The following ADGRV1 variants were observed in gnomAD, a reference collection of about 807,000 sequenced individuals.
ADGRV1 encodes adhesion G protein-coupled receptor V1.
In ADGRV1, 359 loss-of-function variants were observed where a neutral mutation model predicts 596.2. The ratio of observed to expected loss-of-function variants is 0.60; its 90% CI spans 0.55 to 0.66. ADGRV1 has a LOEUF of 0.66. Among genes scored for constraint, ADGRV1 ranks in the 30% least tolerant of loss-of-function variants. The pLI is 0.00. For synonymous variants in ADGRV1, 2,681 were observed against 2,679.2 expected (o/e 1.00, Z -0.02); for missense variants, 7,274 against 7,575.6 (o/e 0.96, Z 1.48).
At chr5:91,075,079 A>T (rs1788730850) in intron 86 of ADGRV1, among the ~76,000 whole-genome samples, 1 of 151,944 alleles carries the variant, frequency 6.6e-6, no homozygotes, top group South Asian at 2.1e-4. Flanking sequence ...TAGGTTCTGG[A>T]TATTAGACCA....
chr5:91,150,135 G>T lies in ADGRV1; in HGVS notation c.18538G>T (p.Ala6180Ser). The T allele has an allele frequency of 6.3e-7, 1 of 1,593,826 alleles. No individual in the cohort carries two copies. Among genetic ancestry groups the T allele is most frequent in the Non-Finnish European group, 8.5e-7 (1 of 1,170,844 alleles). The stretch of plus-strand genomic sequence containing the variant: ...GAATGGGCATCCTGGACCCAGCACA[G>T]CCTTTTTCACGCCCGGGAGTGGAAT... ...EMNGHPGPST[A>S]FFTPGSGMPP... The change falls in exon 88 of 90, where the codon GCC becomes TCC. Residue 6180 changes from alanine to serine, a missense_variant. Physicochemically the swap from Ala to Ser is moderately conservative, Grantham distance 99 (BLOSUM62 1). This residue lies in a region of ADGRV1 where 1,874 missense variants were observed against 1,970.2 expected (regional missense o/e 0.95). Coordinates refer to ENST00000405460, the MANE Select transcript of ADGRV1 (RefSeq NM_032119.4).
At chr5:90,565,809 T>C (rs1358338649) in intron 1 of ADGRV1, among the ~76,000 whole-genome samples, 1 of 152,208 alleles carries the variant, frequency 6.6e-6, no homozygotes, top group Non-Finnish European at 1.5e-5. Flanking sequence ...CCACCAGCAA[T>C]GTATGAGAGT....
Position 90,753,615 on chromosome 5 carries a change from A to G in ADGRV1, c.11163A>G (p.Leu3721=), listed in dbSNP as rs1418456665. 2 of 1,611,290 alleles carry G rather than the reference A, an allele frequency of 1.2e-6. No homozygotes were observed. The highest frequency in any genetic ancestry group is 1.7e-6 in the Non-Finnish European group (2 of 1,177,614). Residue 3721 remains leucine, a synonymous_variant, in exon 54 of 90, where the codon CTA becomes CTG. Coordinates refer to ENST00000405460, the MANE Select transcript of ADGRV1 (RefSeq NM_032119.4). The part of the protein sequence containing the change: ...TEGQVLSTIT[L]TILADNIPEL... ...GCCAGGTACTGTCAACAATCACTCT[A>G]ACTATTCTTGCTGATAATATACCAG...
At chr5:91,120,744 C>G (rs1293275699) in intron 87 of ADGRV1, among the ~76,000 whole-genome samples, 1 of 152,122 alleles carries the variant, frequency 6.6e-6, no homozygotes, top group African/African-American at 2.4e-5. Context: ...CCACCTGGCT[C>G]AGTACTACAG....
At chr5:90,840,009 G>A (rs1050132315) in intron 77 of ADGRV1, among the ~76,000 whole-genome samples, 5 of 152,126 alleles carry the variant, frequency 3.3e-5, no homozygotes, top group African/African-American at 7.2e-5. Context: ...CATGCTTCAC[G>A]TTCCAAAACA....
At position 90,703,738 on chromosome 5, in the gene ADGRV1, T is replaced by A. The variant is rs754487548; in HGVS notation, c.8229T>A (p.Ile2743=). 2 of 1,606,214 alleles carry A rather than the reference T, an allele frequency of 1.2e-6. No individual in the cohort carries two copies. Among genetic ancestry groups the A allele is most frequent in the African/African-American group, 2.7e-5 (2 of 74,738 alleles). The change falls in exon 35 of 90, where the codon ATT becomes ATA. Residue 2743 remains isoleucine (I), a synonymous_variant. Transcript: ENST00000405460. ...ATGTTACTGTTAACTGGAAAATTAT[T>A]GGGCAAAATCTAGAACTCAATTTTG... ...RGNVTVNWKI[I]GQNLELNFAN...
chr5:90,681,518 A>G (rs1480693911), intron 27 of ADGRV1, 64 bp downstream of exon 27: 1 of 1,471,396 alleles, frequency 6.8e-7, no homozygotes, highest in South Asian at 1.4e-5. Context: ...GTACTGTGCT[A>G]TGAAAGTGTG....
chr5:90,705,294 A>C, intron 36 of ADGRV1, 106 bp from the exon 37 acceptor site: 1 of 900,248 alleles, frequency 1.1e-6, no homozygotes, highest in South Asian at 1.8e-5. Context: ...TAGAGAAGTA[A>C]ATAGAACACT....
At chr5:90,800,577 T>G (rs1761249588) in intron 70 of ADGRV1, among the ~76,000 whole-genome samples, 1 of 152,224 alleles carries the variant, frequency 6.6e-6, no homozygotes, top group Non-Finnish European at 1.5e-5. Flanking sequence ...TTATTGGGCA[T>G]ATACCGAAAG....
chr5:90,750,761 CA>C (rs1755157777), intron 53 of ADGRV1, 64 bp downstream of exon 53: 1 of 1,265,238 alleles, frequency 7.9e-7, no homozygotes, highest in Admixed American at 1.7e-5. Context: ...TGTATGGGAC[CA>C]AATCCTGCCT....
At chr5:90,803,516 T>G (rs2443074) in intron 71 of ADGRV1, among the ~76,000 whole-genome samples, 2,640 of 152,216 alleles carry the variant, frequency 0.017, 57 homozygotes, top group African/African-American at 0.059. Context: ...CTCCTTCAGG[T>G]GGGAGCTGAA....
At chr5:90,943,581 T>C (rs1311789910) in intron 83 of ADGRV1, among the ~76,000 whole-genome samples, 3 of 152,152 alleles carry the variant, frequency 2.0e-5, no homozygotes, top group African/African-American at 7.2e-5. Flanking sequence ...TCAGTTTCCT[T>C]GGGCTAATGT....
At chr5:91,054,094 TGTGTGTGTGAGAGAGA>T (rs1233127474) in intron 85 of ADGRV1, among the ~76,000 whole-genome samples, 2 of 128,730 alleles carry the variant, frequency 1.6e-5, no homozygotes, top group African/African-American at 6.6e-5. Flanking sequence ...TGTGTGTGTG[TGTGTGTGTGAGAGAGA>T]GAGAGAGAGA....
intron 85 of ADGRV1, among the ~76,000 whole-genome samples, chr5:90,998,490 A>T (rs1356901026): frequency 6.6e-6 from 1 of 152,158 alleles, no homozygotes; most frequent in Non-Finnish European, 1.5e-5. Context: ...AATACCCATT[A>T]CATTATAATT....
At chr5:91,045,702 G>A (rs1450391743) in intron 85 of ADGRV1, among the ~76,000 whole-genome samples, 1 of 152,080 alleles carries the variant, frequency 6.6e-6, no homozygotes, top group Admixed American at 6.6e-5. Context: ...AGAAATAAGG[G>A]CATCCAAATC....
intron 85 of ADGRV1, among the ~76,000 whole-genome samples, chr5:91,059,287 T>C (rs1273510592): frequency 1.3e-5 from 2 of 152,188 alleles, no homozygotes; most frequent in African/African-American, 2.4e-5. Context: ...ATACTGAGTA[T>C]GTGGAGAAGC....
rs1366821379 is a variant in ADGRV1, at chr5:90,822,115, G to A, written c.16197-1310G>A. On this transcript the variant is annotated intron_variant, in intron 75 of 89. Transcript: ENST00000405460. ...CGAGCCAGGTGCGGGATATAATCTC[G>A]TGGTGTGCCGTTTTTTAAGCCGGTC... 14 of 155,442 alleles carry A rather than the reference G, an allele frequency of 9.0e-5. No homozygotes were observed. In the East Asian group the frequency reaches 2.3e-3, roughly 25 times the overall value. 9.6% of individuals were successfully genotyped at this position (155,442 alleles called of 1,614,324 possible). A position where few individuals can be genotyped will look rare whatever the true frequency, so the allele number is the denominator to read the frequency against.
chr5:90,952,931 G>A (rs1021796238), intron 83 of ADGRV1, among the ~76,000 whole-genome samples: 2 of 152,052 alleles, frequency 1.3e-5, no homozygotes, highest in Non-Finnish European at 2.9e-5. Flanking sequence ...TTGTCAGTGC[G>A]AGAATATAAA....
At chr5:90,675,546 C>T (rs1367500356) in intron 24 of ADGRV1, 101 bp downstream of exon 24, 8 of 1,151,278 alleles carry the variant, frequency 6.9e-6, no homozygotes, top group East Asian at 2.6e-5. Flanking sequence ...TAGTGACTCA[C>T]GCCTGTAATC....
Sources: allele counts gnomAD v4.1 joint callset (sites outside exome capture counted in the v4.1 genomes callset), GRCh38; gene constraint gnomAD v4.1.1; regional missense constraint gnomAD v4.1.1; transcripts MANE v1.5; gene names NCBI Gene and HGNC (gene_info 2026-07-23, HGNC 2026-07-21).